Variants in JAKMIP2 observed in about 807,000 individuals in gnomAD.
JAKMIP2 encodes janus kinase and microtubule interacting protein 2.
Under a neutral mutation model 115.0 loss-of-function variants are expected in JAKMIP2, and 25 were observed. The observed-to-expected ratio is 0.22, with a 90% CI of 0.16 to 0.30. The LOEUF (loss-of-function observed/expected upper bound fraction) is 0.30, where lower values mean the gene tolerates loss of function less well. Among genes scored for constraint, JAKMIP2 ranks in the 10% least tolerant of loss-of-function variants. The pLI is 1.00. For synonymous variants in JAKMIP2, 334 were observed against 343.6 expected, an observed-to-expected ratio of 0.97 and a Z score of 0.31; for missense variants, 642 against 957.6, an observed-to-expected ratio of 0.67 and a Z score of 4.35.
At position 147,623,603 on chromosome 5, in the gene JAKMIP2, A is replaced by G. The variant is rs1278698806; in HGVS notation, c.2064+18T>C. 6.5e-7 allele frequency: 1 copy of G among 1,541,982 alleles called. No homozygotes were observed. The highest frequency in any genetic ancestry group is 1.1e-5 in the South Asian group (1 of 89,098). ...GTAAGTTTTTCTTAATTTTTACAAT[A>G]TCTCATCTTGTACTTACCATGTCAC... On this transcript the variant is annotated intron_variant, in intron 17 of 21. Transcript: ENST00000616793.
Position 147,629,725 on chromosome 5 carries a change from T to A in JAKMIP2, c.1897A>T (p.Ile633Leu). The change falls in exon 15 of 22, where the codon ATA (isoleucine) becomes TTA (leucine). Residue 633 changes from isoleucine to leucine, a missense_variant. Physicochemically the swap from Ile to Leu is conservative, Grantham distance 5. Around this residue, in one of 6 missense-constraint regions of JAKMIP2, gnomAD observed 103 missense variants for 177.6 expected, o/e 0.58. Coordinates refer to ENST00000616793, the MANE Select transcript of JAKMIP2 (RefSeq NM_001270941.2). The stretch of plus-strand genomic sequence containing the variant: ...TCACCCAAGATATCAAGCTGCTTTA[T>A]GAGATCAGGGATGTTCACATCCTGC... The part of the protein sequence containing the change: ...GVKDVNIPDL[I>L]KQLDILGDNG... 6.2e-7 allele frequency: 1 copy of A among 1,612,816 alleles called. No homozygotes were observed. The highest frequency in any genetic ancestry group is 8.5e-7 in the Non-Finnish European group (1 of 1,179,354).
chr5:147,669,288 C>T (rs1250891027), intron 2 of JAKMIP2, among the ~76,000 whole-genome samples: 3 of 152,136 alleles, frequency 2.0e-5, no homozygotes, highest in Admixed American at 1.3e-4. Context: ...GAGCTGGGAC[C>T]GTAATTAACT....
chr5:147,637,846 G>T (rs1757697557), intron 10 of JAKMIP2, among the ~76,000 whole-genome samples: 1 of 152,070 alleles, frequency 6.6e-6, no homozygotes, highest in South Asian at 2.1e-4. Context: ...ATCTTGTATG[G>T]AGCAACTTTG....
At chr5:147,624,469 G>C (rs557231620) in intron 16 of JAKMIP2, among the ~76,000 whole-genome samples, 1 of 152,190 alleles carries the variant, frequency 6.6e-6, no homozygotes. Flanking sequence ...AGGTACACTG[G>C]AGAATTGGGA....
At chr5:147,597,540 C>T (rs1053297118) in intron 21 of JAKMIP2, among the ~76,000 whole-genome samples, 1 of 152,116 alleles carries the variant, frequency 6.6e-6, no homozygotes. Flanking sequence ...TCATGATCAC[C>T]TGTTCTGTGG....
Position 147,652,232 on chromosome 5 carries a change from C to T in JAKMIP2, c.628-1685G>A, listed in dbSNP as rs114302699. Among the ~76,000 whole-genome samples the T allele has an allele frequency of 6.9e-3, 1,054 of 152,216 alleles. 17 individuals are homozygous for T. The highest frequency in any genetic ancestry group is 0.024 in the African/African-American group (1,011 of 41,530). On this transcript the variant is annotated intron_variant, in intron 3 of 21. Transcript: ENST00000616793. ...TAAAAACTTGGTCATAGTCATATGT[C>T]TAGTAAGTTGTGAAGCCGTATTTTT...
rs78943098 is a variant in JAKMIP2, at chr5:147,675,175, G to T, written c.-148-3221C>A. ...ACTTCAAAATATAATATTATGTGCC[G>T]GACTTTATATATTTTTAGCCTGGGA... On this transcript the variant is annotated intron_variant, in intron 1 of 21. Coordinates refer to ENST00000616793, the MANE Select transcript of JAKMIP2 (RefSeq NM_001270941.2). Among the ~76,000 whole-genome samples, 1,143 of 151,974 alleles carry T rather than the reference G, an allele frequency of 7.5e-3. 52 individuals are homozygous for T. The East Asian group carries it at 0.13, about 18-fold the overall frequency.
rs557016342 is a variant in JAKMIP2, at chr5:147,626,649, G to C, written c.1995+2102C>G. Among the ~76,000 whole-genome samples the C allele has an allele frequency of 3.5e-4, 54 of 152,300 alleles. 1 individual carries two copies. The South Asian group carries it at 6.6e-3, about 19-fold the overall frequency. ...TCAAAAGGAGCACTGCGCAAGTCTTGGTTCTGATAAGCACAGTTGTTGGTT... is the reference window on the plus strand; with the variant it reads ...TCAAAAGGAGCACTGCGCAAGTCTTCGTTCTGATAAGCACAGTTGTTGGTT... On this transcript the variant is annotated intron_variant, in intron 16 of 21. Transcript: ENST00000616793.
At chr5:147,617,747 T>C (rs1756658418) in intron 19 of JAKMIP2, among the ~76,000 whole-genome samples, 164 bp downstream of exon 19, 1 of 152,218 alleles carries the variant, frequency 6.6e-6, no homozygotes, top group African/African-American at 2.4e-5. Flanking sequence ...AACTGTCATT[T>C]TTGTATGTGC....
intron 3 of JAKMIP2, among the ~76,000 whole-genome samples, chr5:147,659,092 T>C: frequency 8.3e-6 from 1 of 120,422 alleles, no homozygotes; most frequent in South Asian, 2.6e-4. Context: ...CGCTGGAGTA[T>C]GAAAAAAAAA....
At chr5:147,724,825 T>C (rs1446485070) in intron 1 of JAKMIP2, among the ~76,000 whole-genome samples, 1 of 151,812 alleles carries the variant, frequency 6.6e-6, no homozygotes, top group Non-Finnish European at 1.5e-5. Flanking sequence ...ACTGTCTTCA[T>C]AGATAGATAA....
At chr5:147,738,733 G>GA (rs1313748538) in intron 1 of JAKMIP2, among the ~76,000 whole-genome samples, 1 of 152,206 alleles carries the variant, frequency 6.6e-6, no homozygotes, top group East Asian at 1.9e-4. Flanking sequence ...GTGAAGTTTA[G>GA]TCAAACTTTT....
chr5:147,715,769 T>C (rs749919711), intron 1 of JAKMIP2, among the ~76,000 whole-genome samples: 8 of 151,634 alleles, frequency 5.3e-5, no homozygotes, highest in Non-Finnish European at 1.2e-4. Flanking sequence ...CTGCAAGATA[T>C]AACATACATC....
intron 1 of JAKMIP2, among the ~76,000 whole-genome samples, chr5:147,782,087 C>G (rs1755780243): frequency 6.6e-6 from 1 of 152,124 alleles, no homozygotes; most frequent in South Asian, 2.1e-4. Flanking sequence ...AGGCCCAACC[C>G]TGTATGTGAG....
intron 2 of JAKMIP2, among the ~76,000 whole-genome samples, chr5:147,668,780 A>G (rs1269356662): frequency 6.6e-6 from 1 of 152,236 alleles, no homozygotes; most frequent in African/African-American, 2.4e-5. Flanking sequence ...ATGAAGAAGG[A>G]AAAACACAGA....
intron 1 of JAKMIP2, among the ~76,000 whole-genome samples, chr5:147,738,632 A>G (rs1754016709): frequency 8.0e-6 from 1 of 125,260 alleles, no homozygotes; most frequent in African/African-American, 3.5e-5. Flanking sequence ...CTGAGTAAGC[A>G]TGCCAAAAAA....
At chr5:147,603,996 C>T (rs904777559) in intron 20 of JAKMIP2, among the ~76,000 whole-genome samples, 15 of 151,988 alleles carry the variant, frequency 9.9e-5, no homozygotes, top group African/African-American at 3.6e-4. Flanking sequence ...ATAGCCTTAA[C>T]TTTGACTTCT....
At chr5:147,742,051 T>TA (rs1414509925) in intron 1 of JAKMIP2, among the ~76,000 whole-genome samples, 1 of 151,140 alleles carries the variant, frequency 6.6e-6, no homozygotes, top group East Asian at 1.9e-4. Context: ...TTATATACTT[T>TA]ATATATAATA....
At chr5:147,698,875 A>C (rs533590309) in intron 1 of JAKMIP2, among the ~76,000 whole-genome samples, 3 of 152,316 alleles carry the variant, frequency 2.0e-5, no homozygotes, top group Admixed American at 2.0e-4. Flanking sequence ...AAGTGGTTGT[A>C]CAAAAATAAT....
Sources: allele counts gnomAD v4.1 joint callset (sites outside exome capture counted in the v4.1 genomes callset), GRCh38; gene constraint gnomAD v4.1.1; regional missense constraint gnomAD v4.1.1; transcripts MANE v1.5; gene names NCBI Gene and HGNC (gene_info 2026-07-23, HGNC 2026-07-21).